PAK3: variants seen among roughly 807,000 people sequenced by gnomAD.
PAK3 encodes p21 (RAC1) activated kinase 3.
A neutral mutation model predicts 41.0 loss-of-function variants in PAK3; 4 were observed. The observed-to-expected ratio is 0.10, with a 90% CI of 0.05 to 0.22. PAK3 has a LOEUF of 0.22. PAK3 is among the 10% of genes least tolerant of loss of function. PAK3 has a pLI of 1.00. For synonymous variants in PAK3, 146 were observed against 139.6 expected (o/e 1.05, Z -0.32); for missense variants, 205 against 409.9 (o/e 0.50, Z 4.32).
At chrX:110,954,700 T>C (rs1439769494) in intron 1 of PAK3, among the ~76,000 whole-genome samples, 1 of 111,899 alleles carries the variant, frequency 8.9e-6, no homozygotes, top group Non-Finnish European at 1.9e-5. Flanking sequence ...TGTGTCATTG[T>C]AGGGGTGGGG....
chrX:111,190,340 A>G (rs920385941), intron 11 of PAK3, among the ~76,000 whole-genome samples: 5 of 111,903 alleles, frequency 4.5e-5, no homozygotes, highest in Admixed American at 2.9e-4. Flanking sequence ...AACCTTGGGC[A>G]GGTAACCTCT....
intron 1 of PAK3, among the ~76,000 whole-genome samples, chrX:110,969,450 ATTT>A (rs35064494): frequency 3.2e-4 from 15 of 47,312 alleles, no homozygotes; most frequent in Middle Eastern, 0.022. Flanking sequence ...GACGTGGCTA[ATTT>A]TTTTTTTTTT....
intron 17 of PAK3, among the ~76,000 whole-genome samples, chrX:111,217,325 G>A (rs1349157987): frequency 8.9e-6 from 1 of 111,752 alleles, no homozygotes; most frequent in African/African-American, 3.3e-5. Context: ...ACGTGCCCAG[G>A]ATTATACACA....
At chrX:110,990,898 G>T (rs927531614) in intron 1 of PAK3, among the ~76,000 whole-genome samples, 16 of 110,765 alleles carry the variant, frequency 1.4e-4, no homozygotes, top group African/African-American at 5.3e-4. Flanking sequence ...GAGGCTCAGG[G>T]AGGCATATTG....
chrX:111,140,599 G>A (rs1243613360), intron 5 of PAK3, among the ~76,000 whole-genome samples: 2 of 111,647 alleles, frequency 1.8e-5, no homozygotes, highest in Non-Finnish European at 3.8e-5. Flanking sequence ...AATAAAGTAG[G>A]CTCACTGTAA....
intron 1 of PAK3, among the ~76,000 whole-genome samples, chrX:111,026,535 G>T (rs1014185871): frequency 9.0e-6 from 1 of 110,930 alleles, no homozygotes; most frequent in Non-Finnish European, 1.9e-5. Flanking sequence ...ATCAAATAAA[G>T]AACTCAACCC....
rs900909787 is a variant in PAK3, at chrX:111,226,706, T to C, written c.*6259T>C. 1.8e-5 allele frequency: 2 copies of C among 112,279 alleles called. No individual in the cohort carries two copies. Among genetic ancestry groups the C allele is most frequent in the Non-Finnish European group, 3.8e-5 (2 of 53,303 alleles). The allele number at this position is 112,279 out of a possible 1,213,427, so 9.3% of individuals were successfully genotyped here. On this transcript the variant is annotated 3_prime_UTR_variant, in exon 18 of 18. Coordinates refer to ENST00000372007, the MANE Select transcript of PAK3 (RefSeq NM_002578.5). ...GTACACTGCTGGAAAGAGGGTAAAC[T>C]GGGAGTTAGTGGATGGTCCCAATGC...
At chrX:111,001,950 T>C (rs2091855244) in intron 1 of PAK3, among the ~76,000 whole-genome samples, 1 of 110,972 alleles carries the variant, frequency 9.0e-6, no homozygotes, top group Admixed American at 9.6e-5. Context: ...AAAAAGATTG[T>C]ATGAGAGGAT....
At chrX:111,074,745 T>G (rs1027280274) in intron 1 of PAK3, among the ~76,000 whole-genome samples, 8 of 112,167 alleles carry the variant, frequency 7.1e-5, no homozygotes, top group African/African-American at 2.6e-4. Context: ...TAGGGAAATT[T>G]TGGAACTTCT....
rs373016591 is a variant in PAK3 at position 110,995,733 on chromosome X, C to T, written c.-28+51105C>T. Among the ~76,000 whole-genome samples the T allele has an allele frequency of 1.7e-3, 193 of 111,205 alleles. 1 individual carries two copies. The South Asian group carries it at 0.069, about 39-fold the overall frequency. The stretch of plus-strand genomic sequence containing the variant: ...CTAGAAGACCCTGAATAATCTGGCT[C>T]CTGTGCATCTCTCCACATTCATCCT... On this transcript the variant is annotated intron_variant, in intron 1 of 14. Transcript: ENST00000425146.
chrX:110,965,488 G>A (rs1332644017), intron 1 of PAK3, among the ~76,000 whole-genome samples: 1 of 112,051 alleles, frequency 8.9e-6, no homozygotes, highest in African/African-American at 3.2e-5. Flanking sequence ...TCAGCCTCAG[G>A]ACCAGGCTTT....
chrX:111,173,403 C>T (rs764518923), intron 11 of PAK3, among the ~76,000 whole-genome samples: 2 of 111,098 alleles, frequency 1.8e-5, no homozygotes, highest in African/African-American at 6.5e-5. Flanking sequence ...TTCTAGCTTA[C>T]GTAAAAACCC....
At chrX:111,028,713 G>A (rs1021219828) in intron 1 of PAK3, among the ~76,000 whole-genome samples, 1 of 111,865 alleles carries the variant, frequency 8.9e-6, no homozygotes, top group African/African-American at 3.3e-5. Flanking sequence ...TGTGTTCCAA[G>A]TACTTTACAA....
At chrX:111,159,195 CAAG>C (rs199921293) in intron 8 of PAK3, among the ~76,000 whole-genome samples, 1,188 of 111,425 alleles carry the variant, frequency 0.011, 26 homozygotes, top group African/African-American at 0.037. Flanking sequence ...TGTAAATACT[CAAG>C]AATTTTTGCT....
intron 1 of PAK3, among the ~76,000 whole-genome samples, chrX:111,046,400 A>G (rs1348316608): frequency 3.6e-5 from 4 of 111,711 alleles, no homozygotes; most frequent in African/African-American, 1.3e-4. Context: ...ATTTTCCTTT[A>G]CTGAGTTTCA....
At chrX:111,023,326 G>A (rs1011922715) in intron 1 of PAK3, among the ~76,000 whole-genome samples, 38 of 111,987 alleles carry the variant, frequency 3.4e-4, no homozygotes, top group African/African-American at 1.2e-3. Flanking sequence ...AGACTTTGCT[G>A]TTGTGAACAG....
chrX:111,214,166 T>C (rs900397299), intron 16 of PAK3, among the ~76,000 whole-genome samples: 5 of 112,101 alleles, frequency 4.5e-5, no homozygotes, highest in African/African-American at 1.6e-4. Flanking sequence ...GCATATGGCA[T>C]TGTAATTCTC....
At chrX:111,012,143 A>G (rs1395014845) in intron 1 of PAK3, among the ~76,000 whole-genome samples, 1 of 111,617 alleles carries the variant, frequency 9.0e-6, no homozygotes, top group Non-Finnish European at 1.9e-5. Flanking sequence ...CAGTGTTGGT[A>G]AATATGGTGG....
intron 1 of PAK3, among the ~76,000 whole-genome samples, chrX:110,991,096 C>A (rs1338141750): frequency 9.5e-6 from 1 of 105,404 alleles, no homozygotes; most frequent in African/African-American, 3.5e-5. Context: ...TGCACCACTG[C>A]ACTCCAGCCT....
Sources: allele counts gnomAD v4.1 joint callset (sites outside exome capture counted in the v4.1 genomes callset), GRCh38; gene constraint gnomAD v4.1.1; transcripts MANE v1.5; gene names NCBI Gene and HGNC (gene_info 2026-07-23, HGNC 2026-07-21).